SP1: variants seen among roughly 807,000 people sequenced by gnomAD.
SP1 encodes the protein transcription factor Sp1.
In SP1, 6 loss-of-function variants were observed where a neutral mutation model predicts 66.3. That is an observed-to-expected ratio of 0.09 (90% confidence interval 0.05 to 0.18). The LOEUF (loss-of-function observed/expected upper bound fraction) is 0.18, where lower values mean the gene tolerates loss of function less well. Among genes scored for constraint, SP1 ranks in the 10% least tolerant of loss-of-function variants. The pLI is 1.00. For synonymous variants in SP1, 417 were observed against 360.8 expected (o/e 1.16, Z -1.77); for missense variants, 848 against 964.5 (o/e 0.88, Z 1.60).
At chr12:53,388,815 A>T (rs1420712552) in intron 3 of SP1, among the ~76,000 whole-genome samples, 1 of 152,024 alleles carries the variant, frequency 6.6e-6, no homozygotes, top group African/African-American at 2.4e-5. Flanking sequence ...CCCCATCTCT[A>T]CAAAAAATAT....
intron 3 of SP1, among the ~76,000 whole-genome samples, chr12:53,390,207 T>G (rs999859857): frequency 6.6e-6 from 1 of 152,220 alleles, no homozygotes; most frequent in Non-Finnish European, 1.5e-5. Context: ...TTATCAAATA[T>G]AATGTTGAAT....
intron 3 of SP1, among the ~76,000 whole-genome samples, chr12:53,402,897 TG>T (rs1481677066): frequency 6.7e-5 from 10 of 149,664 alleles, no homozygotes; most frequent in Non-Finnish European, 1.3e-4. Context: ...CACTGGAACC[TG>T]GGAGGCAGAG....
Position 53,406,565 on chromosome 12 carries a change from C to T in SP1, c.1676-20C>T, listed in dbSNP as rs1407048444. On this transcript the variant is annotated intron_variant, in intron 3 of 5. Transcript: ENST00000327443. ...AACCTGCCCATGTCACATGTTGACC[C>T]TTTTCTCTCTTAATTTCAGGTGATC... 3 of 1,611,624 alleles carry T rather than the reference C, an allele frequency of 1.9e-6. 1 individual carries two copies. The Admixed American group carries it at 5.0e-5, about 27-fold the overall frequency.
intron 3 of SP1, among the ~76,000 whole-genome samples, chr12:53,394,607 C>CTTTTTTTTTTTTTT (rs71443299): frequency 1.7e-5 from 1 of 58,152 alleles, no homozygotes; most frequent in Non-Finnish European, 3.0e-5. Context: ...GAGATAAGGT[C>CTTTTTTTTTTTTTT]TTTTTTTTTT....
rs1052250845 is a variant in SP1, at chr12:53,416,301, T to C, written c.*5061T>C. On this transcript the variant is annotated 3_prime_UTR_variant, in exon 6 of 6. Transcript: ENST00000327443. ...AGTTTCTTCCTGCTCCTTTTGTATC[T>C]TCCTTTCTTGTCTTTCCTCCTACCT... 1 of 152,050 alleles carries C rather than the reference T, an allele frequency of 6.6e-6. No individual in the cohort carries two copies. The highest frequency in any genetic ancestry group is 2.4e-5 in the African/African-American group (1 of 41,318). 9.4% of individuals were successfully genotyped at this position (152,050 alleles called of 1,614,324 possible). A position where few individuals can be genotyped will look rare whatever the true frequency, so the allele number is the denominator to read the frequency against.
At position 53,413,503 on chromosome 12, in the gene SP1, G is replaced by A. The variant is rs898475926; in HGVS notation, c.*2263G>A. 3 of 152,482 alleles carry A rather than the reference G, an allele frequency of 2.0e-5. No homozygotes were observed. Among genetic ancestry groups the A allele is most frequent in the Non-Finnish European group, 4.4e-5 (3 of 68,010 alleles). The allele number at this position is 152,482 out of a possible 1,614,324, so 9.4% of individuals were successfully genotyped here. On this transcript the variant is annotated 3_prime_UTR_variant, in exon 6 of 6. Coordinates refer to ENST00000327443, the MANE Select transcript of SP1 (RefSeq NM_138473.3). ...TCTAAACAATAGTTCACTCCATTTG[G>A]TCCTTTCTCCACAGATGTAATTATG...
intron 3 of SP1, among the ~76,000 whole-genome samples, chr12:53,403,452 A>C (rs34656641): frequency 0.11 from 16,687 of 151,934 alleles, 1,167 homozygotes; most frequent in Middle Eastern, 0.18. Context: ...TCCCAGGCTC[A>C]AGTGATTACC....
At position 53,412,228 on chromosome 12, in the gene SP1, C is replaced by T. The variant is rs1938905752; in HGVS notation, c.*988C>T. ...TTAGAAGTCTTTCAGTGGAATTGTA[C>T]AAGAGTCCCTTTGAAGATAATAATC... On this transcript the variant is annotated 3_prime_UTR_variant, in exon 6 of 6. Coordinates refer to ENST00000327443, the MANE Select transcript of SP1 (RefSeq NM_138473.3). The T allele has an allele frequency of 6.6e-6, 1 of 152,510 alleles. No individual in the cohort carries two copies. Among genetic ancestry groups the T allele is most frequent in the South Asian group, 2.1e-4 (1 of 4,826 alleles). The allele number at this position is 152,510 out of a possible 1,614,324, so 9.4% of individuals were successfully genotyped here.
At chr12:53,402,996 G>C (rs1046047894) in intron 3 of SP1, among the ~76,000 whole-genome samples, 1 of 151,248 alleles carries the variant, frequency 6.6e-6, no homozygotes, top group East Asian at 2.0e-4. Context: ...GCAGAAATTA[G>C]CCAGGCACGG....
Position 53,383,358 on chromosome 12 carries a change from A to C in SP1, c.1411A>C (p.Asn471His). The change falls in exon 3 of 6, where the codon AAC (asparagine) becomes CAC (histidine). Residue 471 changes from asparagine (N) to histidine (H), a missense_variant. Physicochemically the swap from Asn to His is moderately conservative, Grantham distance 68. This residue lies in a region of SP1 where 606 missense variants were observed against 589.9 expected (regional missense o/e 1.03). Coordinates refer to ENST00000327443, the MANE Select transcript of SP1 (RefSeq NM_138473.3). ...CAGTTGGCAGACTCTACAGCTGCAG[A>C]ACCTCCAAGTTCAGAACCCACAAGC... The part of the protein sequence containing the change: ...QVSWQTLQLQ[N>H]LQVQNPQAQT... The C allele has an allele frequency of 6.2e-7, 1 of 1,614,214 alleles. No homozygotes were observed. The highest frequency in any genetic ancestry group is 8.5e-7 in the Non-Finnish European group (1 of 1,180,036).
At position 53,380,278 on chromosome 12, in the gene SP1, C is replaced by A; in HGVS notation, c.-14C>A. 2 of 1,528,000 alleles carry A rather than the reference C, an allele frequency of 1.3e-6. No homozygotes were observed. The highest frequency in any genetic ancestry group is 1.8e-6 in the Non-Finnish European group (2 of 1,108,982). The allele number at this position is 1,528,000 out of a possible 1,614,324, so 94.7% of individuals were successfully genotyped here. A position where few individuals can be genotyped will look rare whatever the true frequency, so the allele number is the denominator to read the frequency against. ...CGGACAGGACCCCCTTGAGCTTGTC[C>A]CTCAGCTGCCACCATGAGCGGTAAG... On this transcript the variant is annotated 5_prime_UTR_variant, in exon 1 of 6. Transcript: ENST00000327443.
At chr12:53,394,677 C>T (rs191030227) in intron 3 of SP1, among the ~76,000 whole-genome samples, 193 of 137,608 alleles carry the variant, frequency 1.4e-3, no homozygotes, top group African/African-American at 5.1e-3. Context: ...TGCAGTGGCA[C>T]GATCTTGGCT....
chr12:53,395,272 G>A (rs1028852288), intron 3 of SP1, among the ~76,000 whole-genome samples: 1 of 152,076 alleles, frequency 6.6e-6, no homozygotes, highest in African/African-American at 2.4e-5. Flanking sequence ...TCTGCGAGGT[G>A]GAATTTGCAG....
rs1173030515 is a variant in SP1 at position 53,414,730 on chromosome 12, T to A, written c.*3490T>A. 1 of 152,624 alleles carries A rather than the reference T, an allele frequency of 6.6e-6. No individual in the cohort carries two copies. The highest frequency in any genetic ancestry group is 1.5e-5 in the Non-Finnish European group (1 of 68,038). The allele number at this position is 152,624 out of a possible 1,614,324, so 9.5% of individuals were successfully genotyped here. On this transcript the variant is annotated 3_prime_UTR_variant, in exon 6 of 6. Coordinates refer to ENST00000327443, the MANE Select transcript of SP1 (RefSeq NM_138473.3). Reference sequence around the variant, plus strand: ...TTCACATTGTGTGAATACTGGAAGCTGCAGATCTTTGCTAGGACGCAATAA... The same window carrying A: ...TTCACATTGTGTGAATACTGGAAGCAGCAGATCTTTGCTAGGACGCAATAA...
At chr12:53,404,556 AAAG>A (rs1197635374) in intron 3 of SP1, among the ~76,000 whole-genome samples, 1 of 152,168 alleles carries the variant, frequency 6.6e-6, no homozygotes, top group South Asian at 2.1e-4. Context: ...AAAAAAAAAA[AAAG>A]AATATTATCT....
rs578253653 is a variant in SP1 at position 53,382,629 on chromosome 12, A to G, written c.682A>G (p.Met228Val). Residue 228 changes from methionine (M) to valine (V), a missense_variant, in exon 3 of 6, where the codon ATG becomes GTG. Around this residue, in one of 7 missense-constraint regions of SP1, gnomAD observed 606 missense variants for 589.9 expected, o/e 1.03. Coordinates refer to ENST00000327443, the MANE Select transcript of SP1 (RefSeq NM_138473.3). ...RGSGGNIIAA[M>V]PNLLQQAVPL... ...AAGTGGAGGCAACATCATTGCTGCT[A>G]TGCCAAACCTACTCCAGCAGGCTGT... is the stretch of plus-strand genomic sequence containing the variant. The G allele has an allele frequency of 3.7e-6, 6 of 1,614,086 alleles. No homozygotes were observed. Among genetic ancestry groups the G allele is most frequent in the Non-Finnish European group, 5.1e-6 (6 of 1,180,038 alleles).
chr12:53,392,916 T>G (rs944055985), intron 3 of SP1, among the ~76,000 whole-genome samples: 2 of 151,750 alleles, frequency 1.3e-5, no homozygotes, highest in East Asian at 3.9e-4. Flanking sequence ...CCTCCACCTC[T>G]CGGGTTCAAG....
chr12:53,407,354 G>A (rs1428119110), intron 4 of SP1, among the ~76,000 whole-genome samples: 1 of 149,838 alleles, frequency 6.7e-6, no homozygotes, highest in Non-Finnish European at 1.5e-5. Context: ...CTGAGACAAA[G>A]TCAGTCTGTG....
chr12:53,381,914 C>T (rs1938108194), intron 2 of SP1, 101 bp downstream of exon 2: 8 of 1,354,998 alleles, frequency 5.9e-6, no homozygotes, highest in East Asian at 2.3e-5. Context: ...AGAGACTAAA[C>T]CATTTTATAG....
Sources: allele counts gnomAD v4.1 joint callset (sites outside exome capture counted in the v4.1 genomes callset), GRCh38; gene constraint gnomAD v4.1.1; regional missense constraint gnomAD v4.1.1; transcripts MANE v1.5; gene names NCBI Gene and HGNC (gene_info 2026-07-23, HGNC 2026-07-21).